Variants in ARRB1 observed in about 807,000 individuals in gnomAD.
ARRB1 encodes beta-arrestin-1.
In ARRB1, 21 loss-of-function variants were observed where a neutral mutation model predicts 56.8. The ratio of observed to expected loss-of-function variants is 0.37; its 90% CI spans 0.26 to 0.53. The LOEUF (loss-of-function observed/expected upper bound fraction) is 0.53, where lower values mean the gene tolerates loss of function less well. Among genes scored for constraint, ARRB1 ranks in the 20% least tolerant of loss-of-function variants. The probability of loss-of-function intolerance (pLI) is 0.88; values close to 1 mark genes in which losing one functional copy is unlikely to be tolerated. For synonymous variants in ARRB1, 210 were observed against 218.6 expected, an observed-to-expected ratio of 0.96 and a Z score of 0.35; for missense variants, 424 against 553.7, an observed-to-expected ratio of 0.77 and a Z score of 2.35.
At chr11:75,346,699 TTC>T (rs1457091331) in intron 1 of ARRB1, among the ~76,000 whole-genome samples, 1 of 152,178 alleles carries the variant, frequency 6.6e-6, no homozygotes, top group East Asian at 1.9e-4. Context: ...GAATATGGCC[TTC>T]CGTCAGTTTC....
At position 75,334,039 on chromosome 11, in the gene ARRB1, G is replaced by A. The variant is rs1398122833; in HGVS notation, c.20+17549C>T. ...CTACTCTGCCCCACTCCCACAGAAG[G>A]TCCCATCCCAGGCCGGGCGCGGTGG... On this transcript the variant is annotated intron_variant, in intron 1 of 15. Coordinates refer to ENST00000420843, the MANE Select transcript of ARRB1 (RefSeq NM_004041.5). Among the ~76,000 whole-genome samples the A allele has an allele frequency of 2.6e-5, 4 of 152,038 alleles. No homozygotes were observed. The East Asian group carries it at 5.8e-4, about 22-fold the overall frequency.
At chr11:75,296,182 T>C (rs1316267557) in intron 1 of ARRB1, among the ~76,000 whole-genome samples, 31 of 67,606 alleles carry the variant, frequency 4.6e-4, no homozygotes, top group African/African-American at 1.7e-3. Flanking sequence ...TAAGACTTTG[T>C]CTCAAAAAAA....
In ARRB1 at chr11:75,309,433, GGTCA is replaced by G. The variant is rs1947110018; in HGVS notation, c.21-19398_21-19395del. On this transcript the variant is annotated intron_variant, in intron 1 of 15. Transcript: ENST00000420843. Reference sequence around the variant, plus strand: ...AAAGGAGTTAAGGGCACAGGCTTAGGGTCAGGCAGGCCTGTAGCCTCATCACCCT... The same window carrying G: ...AAAGGAGTTAAGGGCACAGGCTTAGGGGCAGGCCTGTAGCCTCATCACCCT... Among the ~76,000 whole-genome samples the G allele has an allele frequency of 3.3e-5, 5 of 152,272 alleles. No homozygotes were observed. In the South Asian group the frequency reaches 1.0e-3, roughly 31 times the overall value.
At chr11:75,350,111 T>C (rs1286175789) in intron 1 of ARRB1, among the ~76,000 whole-genome samples, 1 of 152,264 alleles carries the variant, frequency 6.6e-6, no homozygotes, top group African/African-American at 2.4e-5. Context: ...GAGTTGCCTC[T>C]GAGCCTGTTT....
rs1183285508 is a variant in ARRB1, at chr11:75,261,693, CA to C, written c.*4469del. 2.0e-5 allele frequency: 3 copies of C among 152,180 alleles called. No homozygotes were observed. Among genetic ancestry groups the C allele is most frequent in the Non-Finnish European group, 4.4e-5 (3 of 68,080 alleles). The allele number at this position is 152,180 out of a possible 1,614,324, so 9.4% of individuals were successfully genotyped here. ...AGGGCGTGTCTTTGAAGCCGCTGTG[CA>C]GTGACCCTGTGGGGAAGTGGTAGAG... On this transcript the variant is annotated 3_prime_UTR_variant, in exon 16 of 16. Transcript: ENST00000420843.
intron 3 of ARRB1, among the ~76,000 whole-genome samples, chr11:75,285,267 G>A (rs904714965): frequency 9.2e-5 from 14 of 152,218 alleles, no homozygotes; most frequent in South Asian, 6.2e-4. Context: ...CCAAGCACTC[G>A]AGAGCACTCT....
chr11:75,323,008 T>C lies in ARRB1; in HGVS notation c.20+28580A>G, dbSNP rs186035957. Among the ~76,000 whole-genome samples the C allele has an allele frequency of 3.9e-5, 6 of 152,332 alleles. No individual in the cohort carries two copies. In the East Asian group the frequency reaches 1.2e-3, roughly 29 times the overall value. On this transcript the variant is annotated intron_variant, in intron 1 of 15. Coordinates refer to ENST00000420843, the MANE Select transcript of ARRB1 (RefSeq NM_004041.5). ...CCACAGGAAGTGCTGTATGTTTTGC[T>C]GATATTATTCATCTGGGTCAGAAAT...
intron 1 of ARRB1, among the ~76,000 whole-genome samples, chr11:75,306,377 C>A (rs1452364989): frequency 6.6e-6 from 1 of 152,178 alleles, no homozygotes; most frequent in Non-Finnish European, 1.5e-5. Flanking sequence ...TCCCAAACAG[C>A]CTTCCCCCAT....
rs1945845756 is a variant in ARRB1, at chr11:75,263,589, T to C, written c.*2574A>G. Among the ~76,000 whole-genome samples the C allele has an allele frequency of 6.6e-6, 1 of 152,108 alleles. No homozygotes were observed. The highest frequency in any genetic ancestry group is 1.5e-5 in the Non-Finnish European group (1 of 68,024). Reference sequence around the variant, plus strand: ...CCTCTATTACTTATCCCTACAACGTTTCCCTGACCATGGGCTTCCTGAGGA... The same window carrying C: ...CCTCTATTACTTATCCCTACAACGTCTCCCTGACCATGGGCTTCCTGAGGA... On this transcript the variant is annotated 3_prime_UTR_variant, in exon 16 of 16. Coordinates refer to ENST00000420843, the MANE Select transcript of ARRB1 (RefSeq NM_004041.5).
chr11:75,266,121 C>T lies in ARRB1; in HGVS notation c.*42G>A, dbSNP rs747451315. ...GAAGACGAGTAAGCATCCGAGTGCA[C>T]GAGAGTGGAGCCGGAGCCACGTGGA... On this transcript the variant is annotated 3_prime_UTR_variant, in exon 16 of 16. Coordinates refer to ENST00000420843, the MANE Select transcript of ARRB1 (RefSeq NM_004041.5). The T allele has an allele frequency of 1.4e-5, 21 of 1,484,626 alleles. No homozygotes were observed. The highest frequency in any genetic ancestry group is 4.5e-5 in the East Asian group (2 of 44,318). 92.0% of individuals were successfully genotyped at this position (1,484,626 alleles called of 1,614,324 possible).
At chr11:75,297,365 A>AT (rs1222948157) in intron 1 of ARRB1, among the ~76,000 whole-genome samples, 2 of 152,202 alleles carry the variant, frequency 1.3e-5, no homozygotes, top group East Asian at 3.8e-4. Flanking sequence ...TTGTGCTGGC[A>AT]TAAAAACAGA....
intron 1 of ARRB1, among the ~76,000 whole-genome samples, chr11:75,291,701 G>T (rs1173954371): frequency 6.6e-6 from 1 of 152,200 alleles, no homozygotes; most frequent in African/African-American, 2.4e-5. Flanking sequence ...CAGAGACCGC[G>T]AGATAAGAGA....
At position 75,316,937 on chromosome 11, in the gene ARRB1, G is replaced by A. The variant is rs114320459; in HGVS notation, c.21-26898C>T. Among the ~76,000 whole-genome samples the A allele has an allele frequency of 6.0e-3, 912 of 152,138 alleles. 10 individuals are homozygous for A. Among genetic ancestry groups the A allele is most frequent in the African/African-American group, 0.021 (870 of 41,492 alleles). ...AAAAATTAGCCATGTGTAGTGGCGCGTACCTGTAGTCCCAGCTACTCGGGA... is the reference window on the plus strand; with the variant it reads ...AAAAATTAGCCATGTGTAGTGGCGCATACCTGTAGTCCCAGCTACTCGGGA... On this transcript the variant is annotated intron_variant, in intron 1 of 15. Coordinates refer to ENST00000420843, the MANE Select transcript of ARRB1 (RefSeq NM_004041.5).
Position 75,314,509 on chromosome 11 carries a change from G to A in ARRB1, c.21-24470C>T, listed in dbSNP as rs367997433. On this transcript the variant is annotated intron_variant, in intron 1 of 15. Coordinates refer to ENST00000420843, the MANE Select transcript of ARRB1 (RefSeq NM_004041.5). ...CAGGACTTGCTGCAGGCCCCAGAGT[G>A]TCACTCTGGGAGTCAGGTCAGAGCA... is the stretch of plus-strand genomic sequence containing the variant. 1.8e-4 allele frequency among the ~76,000 whole-genome samples: 28 copies of A among 152,338 alleles called. No individual in the cohort carries two copies. The East Asian group carries it at 5.2e-3, about 28-fold the overall frequency.
At chr11:75,348,009 C>T (rs1382142465) in intron 1 of ARRB1, among the ~76,000 whole-genome samples, 1 of 152,216 alleles carries the variant, frequency 6.6e-6, no homozygotes, top group African/African-American at 2.4e-5. Flanking sequence ...CTTGGCGCTG[C>T]CAAAGACATC....
intron 1 of ARRB1, among the ~76,000 whole-genome samples, chr11:75,336,204 C>T (rs1431170242): frequency 6.6e-6 from 1 of 152,106 alleles, no homozygotes; most frequent in African/African-American, 2.4e-5. Flanking sequence ...GCTGAGGGCT[C>T]AATATATTTA....
intron 1 of ARRB1, among the ~76,000 whole-genome samples, chr11:75,338,501 A>G (rs767134752): frequency 2.0e-5 from 3 of 152,132 alleles, no homozygotes; most frequent in Non-Finnish European, 4.4e-5. Context: ...TCTACACTCA[A>G]ATGGAAGTTG....
At position 75,284,298 on chromosome 11, in the gene ARRB1, G is replaced by A. The variant is rs762341980; in HGVS notation, c.113-19C>T. 1.9e-6 allele frequency: 3 copies of A among 1,604,152 alleles called. No individual in the cohort carries two copies. Among genetic ancestry groups the A allele is most frequent in the African/African-American group, 1.3e-5 (1 of 74,768 alleles). On this transcript the variant is annotated intron_variant, in intron 3 of 15. Coordinates refer to ENST00000420843, the MANE Select transcript of ARRB1 (RefSeq NM_004041.5). ...ACACCATCTGGGGAAAGGACAGAGA[G>A]TAAGCGGCCTCTCCCAACCTGGTCT...
chr11:75,278,143 G>A (rs2140416311), intron 8 of ARRB1, among the ~76,000 whole-genome samples: 1 of 152,378 alleles, frequency 6.6e-6, no homozygotes. Flanking sequence ...ACACCTTGAG[G>A]AGGGGCCAGC....
Sources: gnomAD v4.1 joint callset for allele counts (sites outside exome capture counted in the v4.1 genomes callset) on GRCh38, gnomAD v4.1.1 for gene constraint, MANE v1.5 for transcripts, NCBI Gene and HGNC (gene_info 2026-07-23, HGNC 2026-07-21) for gene names.